The following SLC22A25 variants were observed in gnomAD, a reference collection of about 807,000 sequenced individuals.
SLC22A25 encodes MGI:2442751, MGI:2385316, MGI:3042283, MGI:3645714, MGI:3605624, MGI:2442750.
SLC22A25 carries 44 observed loss-of-function variants against 45.9 expected under a neutral mutation model. The ratio of observed to expected loss-of-function variants is 0.96; its 90% confidence interval spans 0.75 to 1.23. The LOEUF is 1.23. Ranked by LOEUF, SLC22A25 falls within the 50% of genes most tolerant of loss-of-function variation. The pLI, the probability that SLC22A25 is intolerant of heterozygous loss-of-function variation, is 0.00. For synonymous variants in SLC22A25, 283 were observed against 238.6 expected (o/e 1.19, Z -1.72); for missense variants, 800 against 666.4 (o/e 1.20, Z -2.21).
At chr11:63,227,117 T>C (rs949444106) in intron 5 of SLC22A25, among the ~76,000 whole-genome samples, 21 of 152,202 alleles carry the variant, frequency 1.4e-4, no homozygotes, top group Non-Finnish European at 3.1e-4. Context: ...CCCAAAGGCC[T>C]ACTTGGTGGT....
intron 5 of SLC22A25, among the ~76,000 whole-genome samples, chr11:63,228,182 C>A (rs1389574051): frequency 6.6e-6 from 1 of 152,210 alleles, no homozygotes; most frequent in African/African-American, 2.4e-5. Context: ...AGCTTCTGTT[C>A]TGTCATCTTG....
chr11:63,187,084 A>C (rs1223039998), intron 7 of SLC22A25, among the ~76,000 whole-genome samples: 1 of 152,190 alleles, frequency 6.6e-6, no homozygotes, highest in African/African-American at 2.4e-5. Flanking sequence ...CTATGAAGAA[A>C]GTCATTGGTA....
intron 3 of SLC22A25, among the ~76,000 whole-genome samples, chr11:63,232,777 A>G (rs1477626895): frequency 6.6e-6 from 1 of 152,184 alleles, no homozygotes; most frequent in Non-Finnish European, 1.5e-5. Context: ...GGTTTGTCAT[A>G]AATAGCTCTT....
chr11:63,180,586 T>C lies in SLC22A25; in HGVS notation c.1070+74A>G, dbSNP rs1326267259. On this transcript the variant is annotated intron_variant, in intron 9 of 11. Transcript: ENST00000306494. ...CCCCAAATATTTTCCTTCAACATGT[T>C]GTATCATTTGAAATAAGAAATGGAT... The C allele has an allele frequency of 2.9e-6, 3 of 1,046,354 alleles. No homozygotes were observed. In the Admixed American group the frequency reaches 7.4e-5, roughly 26 times the overall value. 64.8% of individuals were successfully genotyped at this position (1,046,354 alleles called of 1,614,324 possible). A position where few individuals can be genotyped will look rare whatever the true frequency, so the allele number is the denominator to read the frequency against.
At chr11:63,183,924 G>A in intron 7 of SLC22A25, 107 bp from the exon 8 acceptor site, 2 of 1,472,306 alleles carry the variant, frequency 1.4e-6, no homozygotes, top group Non-Finnish European at 9.3e-7. Flanking sequence ...CCCACCTCTT[G>A]TTTGGTTATA....
chr11:63,196,056 GA>G (rs557088692), intron 7 of SLC22A25, among the ~76,000 whole-genome samples: 118 of 152,232 alleles, frequency 7.8e-4, no homozygotes, highest in African/African-American at 2.7e-3. Flanking sequence ...AAACCACGAA[GA>G]AGCTGAATCC....
rs747271122 is a variant in SLC22A25, at chr11:63,158,790, T to G, written c.*5034A>C. Among the ~76,000 whole-genome samples, 18 of 152,214 alleles carry G rather than the reference T, an allele frequency of 1.2e-4. No homozygotes were observed. The highest frequency in any genetic ancestry group is 2.4e-4 in the Non-Finnish European group (16 of 68,032). ...ACTTTTTTAGTTATTTAAAAATGAA[T>G]TAAGTTATTATTGACTATAGTCATC... On this transcript the variant is annotated 3_prime_UTR_variant, in exon 12 of 12. Coordinates refer to ENST00000306494, the MANE Select transcript of SLC22A25 (RefSeq NM_199352.6).
rs2090033965 is a variant in SLC22A25, at chr11:63,229,664, A to T, written c.-12T>A. On this transcript the variant is annotated 5_prime_UTR_variant, in exon 4 of 12. Transcript: ENST00000306494. ...TCCTGAAAGGCCATTGAGGCTGGAC[A>T]AGTGATCCCCAAGAGGAGACAAAAT... 6.3e-7 allele frequency: 1 copy of T among 1,595,624 alleles called. No individual in the cohort carries two copies.
chr11:63,202,896 A>AT (rs2134781780), intron 7 of SLC22A25, among the ~76,000 whole-genome samples: 1 of 152,310 alleles, frequency 6.6e-6, no homozygotes, highest in South Asian at 2.1e-4. Context: ...CAGACACCTC[A>AT]TACAGGAGAG....
chr11:63,233,447 T>C (rs2090107228), intron 3 of SLC22A25, among the ~76,000 whole-genome samples: 1 of 152,220 alleles, frequency 6.6e-6, no homozygotes, highest in South Asian at 2.1e-4. Flanking sequence ...TATTGTCTGA[T>C]GGTAGTTTCT....
intron 7 of SLC22A25, among the ~76,000 whole-genome samples, chr11:63,202,733 A>G (rs1332473237): frequency 6.6e-6 from 1 of 152,220 alleles, no homozygotes; most frequent in East Asian, 1.9e-4. Flanking sequence ...GCGCAGCTTC[A>G]GCAGACTTAA....
chr11:63,163,700 G>A lies in SLC22A25; in HGVS notation c.*124C>T. 7.6e-7 allele frequency: 1 copy of A among 1,308,678 alleles called. No individual in the cohort carries two copies. Among genetic ancestry groups the A allele is most frequent in the Non-Finnish European group, 1.0e-6 (1 of 962,256 alleles). The allele number at this position is 1,308,678 out of a possible 1,614,324, so 81.1% of individuals were successfully genotyped here. A position where few individuals can be genotyped will look rare whatever the true frequency, so the allele number is the denominator to read the frequency against. ...TAGTGAGGCTCAGGGGATGTATGAG[G>A]TCACTGTGGAAGGGATGAGGATACA... On this transcript the variant is annotated 3_prime_UTR_variant, in exon 12 of 12. Coordinates refer to ENST00000306494, the MANE Select transcript of SLC22A25 (RefSeq NM_199352.6).
intron 1 of SLC22A25, among the ~76,000 whole-genome samples, chr11:63,240,696 C>T (rs540602251): frequency 6.6e-6 from 1 of 152,172 alleles, no homozygotes; most frequent in South Asian, 2.1e-4. Flanking sequence ...AAAGACCAAA[C>T]TCTCACATTG....
intron 9 of SLC22A25, chr11:63,166,493 T>G: frequency 7.8e-7 from 1 of 1,287,580 alleles, no homozygotes; most frequent in Non-Finnish European, 9.8e-7. Context: ...GGATGTGCTA[T>G]GGGGTTTATT....
chr11:63,219,960 T>C, intron 5 of SLC22A25: 3 of 1,289,302 alleles, frequency 2.3e-6, no homozygotes, highest in South Asian at 1.2e-5. Flanking sequence ...TGGATGGCAA[T>C]GGGCACCTCA....
intron 7 of SLC22A25, among the ~76,000 whole-genome samples, chr11:63,201,436 A>G (rs1215966232): frequency 3.9e-5 from 6 of 152,162 alleles, no homozygotes; most frequent in African/African-American, 1.2e-4. Context: ...AAATGGTGCT[A>G]TGATAACTGG....
At chr11:63,192,301 T>C (rs928568541) in intron 7 of SLC22A25, among the ~76,000 whole-genome samples, 5 of 152,232 alleles carry the variant, frequency 3.3e-5, no homozygotes, top group South Asian at 4.1e-4. Flanking sequence ...GGGAGTTCAT[T>C]ACCACCAGAC....
At chr11:63,194,949 A>G (rs2088961472) in intron 7 of SLC22A25, among the ~76,000 whole-genome samples, 1 of 136,112 alleles carries the variant, frequency 7.3e-6, no homozygotes, top group Non-Finnish European at 1.6e-5. Flanking sequence ...AGGGGTTGCA[A>G]TCCTAGTCTG....
chr11:63,177,988 A>G (rs2088176850), intron 9 of SLC22A25, among the ~76,000 whole-genome samples: 1 of 150,360 alleles, frequency 6.7e-6, no homozygotes, highest in Non-Finnish European at 1.5e-5. Context: ...CTATCCTCCC[A>G]TCTCAGCCTC....
Sources: gnomAD v4.1 joint callset for allele counts (sites outside exome capture counted in the v4.1 genomes callset) on GRCh38, gnomAD v4.1.1 for gene constraint, MANE v1.5 for transcripts, NCBI Gene and HGNC (gene_info 2026-07-23, HGNC 2026-07-21) for gene names.